SDCCAG8: variants seen among roughly 807,000 people sequenced by gnomAD.
SDCCAG8 encodes serologically defined colon cancer antigen 8.
Under a neutral mutation model 101.8 loss-of-function variants are expected in SDCCAG8, and 74 were observed. The ratio of observed to expected loss-of-function variants is 0.73; its 90% confidence interval spans 0.60 to 0.88. The LOEUF (loss-of-function observed/expected upper bound fraction) is 0.88, where lower values mean the gene tolerates loss of function less well. Among genes scored for constraint, SDCCAG8 ranks in the 40% least tolerant of loss-of-function variants. The pLI is 0.00. For synonymous variants in SDCCAG8, 281 were observed against 292.9 expected (o/e 0.96, Z 0.41); for missense variants, 787 against 822.6 (o/e 0.96, Z 0.53).
At chr1:243,400,443 C>T (rs1241296913) in intron 13 of SDCCAG8, among the ~76,000 whole-genome samples, 1 of 152,186 alleles carries the variant, frequency 6.6e-6, no homozygotes, top group Non-Finnish European at 1.5e-5. Flanking sequence ...CCCTGCCCCG[C>T]AACTTCACTT....
chr1:243,395,192 G>A (rs1257925268), intron 13 of SDCCAG8, among the ~76,000 whole-genome samples: 3 of 152,084 alleles, frequency 2.0e-5, no homozygotes, highest in South Asian at 4.1e-4. Flanking sequence ...TTTTTGAAAC[G>A]CAGTTTACTC....
intron 9 of SDCCAG8, among the ~76,000 whole-genome samples, chr1:243,329,529 A>G (rs2074438032): frequency 6.6e-6 from 1 of 152,216 alleles, no homozygotes; most frequent in Non-Finnish European, 1.5e-5. Context: ...TACAGCATGT[A>G]AGTCACATGA....
intron 13 of SDCCAG8, among the ~76,000 whole-genome samples, chr1:243,387,673 T>G (rs1005573155): frequency 6.6e-6 from 1 of 152,190 alleles, no homozygotes; most frequent in African/African-American, 2.4e-5. Context: ...AGGCTGCCTT[T>G]CCAGGGCTTT....
At chr1:243,414,845 ATGTGTGTG>A (rs35826806) in intron 13 of SDCCAG8, among the ~76,000 whole-genome samples, 3,083 of 148,966 alleles carry the variant, frequency 0.021, 116 homozygotes, top group African/African-American at 0.07. Flanking sequence ...CCATTCTAAT[ATGTGTGTG>A]TGTGTGTGTG....
intron 1 of SDCCAG8, among the ~76,000 whole-genome samples, chr1:243,263,412 A>G (rs1351884925): frequency 6.6e-6 from 1 of 152,204 alleles, no homozygotes; most frequent in Non-Finnish European, 1.5e-5. Context: ...GTAGCCCTTG[A>G]TCTGCAAGAA....
chr1:243,488,748 C>T (rs879571012), intron 16 of SDCCAG8, among the ~76,000 whole-genome samples: 2 of 152,132 alleles, frequency 1.3e-5, no homozygotes, highest in Non-Finnish European at 2.9e-5. Flanking sequence ...CTTCCTTTTC[C>T]TTCTACTTAC....
chr1:243,403,430 C>T (rs372555309), intron 13 of SDCCAG8, among the ~76,000 whole-genome samples: 66 of 152,196 alleles, frequency 4.3e-4, no homozygotes, highest in African/African-American at 6.3e-4. Context: ...AGTAATAATA[C>T]GTACTAATTA....
chr1:243,311,746 C>G (rs1307399767), intron 8 of SDCCAG8, among the ~76,000 whole-genome samples: 3 of 147,498 alleles, frequency 2.0e-5, no homozygotes, highest in Non-Finnish European at 4.5e-5. Flanking sequence ...GAAACCCTGT[C>G]TCTACAAAAA....
intron 4 of SDCCAG8, among the ~76,000 whole-genome samples, chr1:243,277,883 C>T (rs574051120): frequency 1.3e-5 from 2 of 152,314 alleles, no homozygotes; most frequent in South Asian, 4.1e-4. Flanking sequence ...GCCACTATCA[C>T]TCTATCTTGA....
intron 4 of SDCCAG8, among the ~76,000 whole-genome samples, chr1:243,275,056 C>T (rs1394706225): frequency 6.6e-6 from 1 of 152,168 alleles, no homozygotes; most frequent in East Asian, 1.9e-4. Flanking sequence ...ACTGGTAGAC[C>T]AATTCTTCTC....
At chr1:243,472,685 T>C (rs573560997) in intron 16 of SDCCAG8, among the ~76,000 whole-genome samples, 2 of 152,312 alleles carry the variant, frequency 1.3e-5, no homozygotes, top group Admixed American at 1.3e-4. Flanking sequence ...TGTGGAACAA[T>C]GCAAAGGCTT....
intron 13 of SDCCAG8, among the ~76,000 whole-genome samples, chr1:243,410,287 C>T (rs2080080239): frequency 6.6e-6 from 1 of 152,174 alleles, no homozygotes; most frequent in African/African-American, 2.4e-5. Flanking sequence ...GTCTGGCACA[C>T]CAATGATGTT....
At chr1:243,346,301 CG>C (rs2075703349) in intron 12 of SDCCAG8, 1 of 154,284 alleles carries the variant, frequency 6.5e-6, no homozygotes, top group Admixed American at 6.5e-5. Context: ...CTTTTAAAAG[CG>C]GGGCATGTTG....
Position 243,369,921 on chromosome 1 carries a change from T to C in SDCCAG8, c.1474-8800T>C, listed in dbSNP as rs60033578. On this transcript the variant is annotated intron_variant, in intron 12 of 17. Transcript: ENST00000366541. ...TCTATTTATTTCAACATTGTCTTTT[T>C]TCACTTCATCTCTTTTTACTCACAA... 5.1e-3 allele frequency among the ~76,000 whole-genome samples: 771 copies of C among 152,252 alleles called. 6 individuals are homozygous for C. The highest frequency in any genetic ancestry group is 0.017 in the African/African-American group (726 of 41,564).
chr1:243,414,597 G>A (rs1005517223), intron 13 of SDCCAG8, among the ~76,000 whole-genome samples: 1 of 152,098 alleles, frequency 6.6e-6, no homozygotes, highest in Non-Finnish European at 1.5e-5. Flanking sequence ...TCCTTATGTT[G>A]CTTTATAATT....
intron 12 of SDCCAG8, among the ~76,000 whole-genome samples, chr1:243,349,174 A>G (rs1353558536): frequency 2.0e-5 from 3 of 152,210 alleles, no homozygotes; most frequent in African/African-American, 7.2e-5. Context: ...GGGCAAATGG[A>G]GATTTTGCAT....
intron 8 of SDCCAG8, among the ~76,000 whole-genome samples, chr1:243,313,795 C>T (rs539479129): frequency 1.3e-5 from 2 of 152,060 alleles, no homozygotes; most frequent in Admixed American, 6.5e-5. Context: ...CTGTGGATTG[C>T]GGGATCTAGA....
chr1:243,341,205 TTA>T, intron 11 of SDCCAG8, 32 bp downstream of exon 11: 1 of 1,610,806 alleles, frequency 6.2e-7, no homozygotes, highest in Non-Finnish European at 8.5e-7. Context: ...TAATCGTTAC[TTA>T]AGGAAATATT....
At chr1:243,482,436 C>T (rs1574313254) in intron 16 of SDCCAG8, among the ~76,000 whole-genome samples, 1 of 152,314 alleles carries the variant, frequency 6.6e-6, no homozygotes, top group South Asian at 2.1e-4. Context: ...GCCCCTGACA[C>T]GCCTGAAATT....
Sources: allele counts gnomAD v4.1 joint callset (sites outside exome capture counted in the v4.1 genomes callset), GRCh38; gene constraint gnomAD v4.1.1; transcripts MANE v1.5; gene names NCBI Gene and HGNC (gene_info 2026-07-23, HGNC 2026-07-21).